MAGI2: variants seen among roughly 807,000 people sequenced by gnomAD.
The protein encoded by MAGI2 is membrane associated guanylate kinase, WW and PDZ domain containing 2.
In MAGI2, 35 loss-of-function variants were observed where a neutral mutation model predicts 133.3. The observed-to-expected ratio is 0.26, with a 90% CI of 0.20 to 0.35. The LOEUF (loss-of-function observed/expected upper bound fraction) is 0.35, where lower values mean the gene tolerates loss of function less well. Among genes scored for constraint, MAGI2 ranks in the 10% least tolerant of loss-of-function variants. The pLI is 1.00. For synonymous variants in MAGI2, 729 were observed against 710.6 expected (o/e 1.03, Z -0.41); for missense variants, 1,636 against 1,863.4 (o/e 0.88, Z 2.25).
intron 21 of MAGI2, among the ~76,000 whole-genome samples, chr7:78,033,889 C>A (rs1809879294): frequency 6.6e-6 from 1 of 152,080 alleles, no homozygotes; most frequent in Non-Finnish European, 1.5e-5. Context: ...GGAGTGGGAC[C>A]CTCACCCTGT....
intron 1 of MAGI2, chr7:79,411,788 C>T (rs932114513): frequency 1.3e-5 from 2 of 151,932 alleles, no homozygotes; most frequent in Non-Finnish European, 2.9e-5. Context: ...GTCTTTTATT[C>T]CCATAACCAT....
At chr7:78,536,799 C>A (rs188798627) in intron 3 of MAGI2, among the ~76,000 whole-genome samples, 2 of 144,140 alleles carry the variant, frequency 1.4e-5, no homozygotes, top group South Asian at 2.2e-4. Context: ...CTTGCTCTGT[C>A]GCCCAGGCTG....
intron 16 of MAGI2, among the ~76,000 whole-genome samples, chr7:78,155,444 T>C (rs1462392600): frequency 6.6e-6 from 1 of 152,018 alleles, no homozygotes; most frequent in Non-Finnish European, 1.5e-5. Flanking sequence ...CAAAACCTCG[T>C]CTCTACTAAA....
At position 79,171,647 on chromosome 7, in the gene MAGI2, A is replaced by G. The variant is rs150987170; in HGVS notation, c.302-164441T>C. Among the ~76,000 whole-genome samples the G allele has an allele frequency of 9.7e-3, 1,427 of 147,722 alleles. 24 individuals are homozygous for G. The highest frequency in any genetic ancestry group is 0.034 in the African/African-American group (1,368 of 40,568). On this transcript the variant is annotated intron_variant, in intron 1 of 21. Coordinates refer to ENST00000354212, the MANE Select transcript of MAGI2 (RefSeq NM_012301.4). ...ATGGTCATATGTCTACAGGTAACTC[A>G]CTTTTGTGATACTTTCATTCAATAA...
intron 12 of MAGI2, among the ~76,000 whole-genome samples, chr7:78,194,072 C>T (rs1460349615): frequency 6.6e-6 from 1 of 152,074 alleles, no homozygotes; most frequent in Non-Finnish European, 1.5e-5. Context: ...AATCAGCAGA[C>T]CGTAATGGGA....
Position 78,517,237 on chromosome 7 carries a change from A to T in MAGI2, c.754+4193T>A, listed in dbSNP as rs572694851. 4.5e-3 allele frequency among the ~76,000 whole-genome samples: 672 copies of T among 147,976 alleles called. 8 individuals are homozygous for T. Among genetic ancestry groups the T allele is most frequent in the African/African-American group, 0.016 (643 of 41,226 alleles). ...CGGTTCAAAAACAATCTGTAAGATG[A>T]TGTAAGGATACATCGTACTTGTCAT... is the stretch of plus-strand genomic sequence containing the variant. On this transcript the variant is annotated intron_variant, in intron 4 of 21. Transcript: ENST00000354212.
chr7:79,391,850 A>AT (rs1336868419), intron 1 of MAGI2, among the ~76,000 whole-genome samples: 2 of 151,540 alleles, frequency 1.3e-5, no homozygotes, highest in Non-Finnish European at 2.9e-5. Flanking sequence ...CACCCGGCTA[A>AT]TTTTTTTGTA....
chr7:78,287,821 C>A (rs1796298977), intron 9 of MAGI2, among the ~76,000 whole-genome samples: 1 of 152,086 alleles, frequency 6.6e-6, no homozygotes, highest in South Asian at 2.1e-4. Flanking sequence ...AAGAAGCTAA[C>A]CTACTTTAAG....
intron 1 of MAGI2, among the ~76,000 whole-genome samples, chr7:79,441,596 A>G (rs539672505): frequency 6.6e-6 from 1 of 152,256 alleles, no homozygotes; most frequent in African/African-American, 2.4e-5. Context: ...AGTATTTTGC[A>G]CATTCATATA....
rs531101978 is a variant in MAGI2 at position 78,360,949 on chromosome 7, G to A, written c.1103+8207C>T. ...GAGCATTCCTGCCCTCTCTTCCTGG[G>A]ACGTCAAGGGGTCAGGGTCTGTGTA... On this transcript the variant is annotated intron_variant, in intron 7 of 21. Transcript: ENST00000354212. 3.3e-4 allele frequency among the ~76,000 whole-genome samples: 50 copies of A among 152,276 alleles called. No homozygotes were observed. The South Asian group carries it at 8.7e-3, about 26-fold the overall frequency.
intron 10 of MAGI2, among the ~76,000 whole-genome samples, chr7:78,243,224 TACACACAC>T (rs539437959): frequency 5.7e-5 from 8 of 140,814 alleles, no homozygotes; most frequent in African/African-American, 1.9e-4. Context: ...ATGGTTCAGA[TACACACAC>T]ACACACACAC....
At chr7:79,090,357 T>C (rs1049664705) in intron 1 of MAGI2, among the ~76,000 whole-genome samples, 4 of 152,080 alleles carry the variant, frequency 2.6e-5, no homozygotes, top group Admixed American at 2.0e-4. Flanking sequence ...CTCTCCATAA[T>C]ATAATATACC....
intron 6 of MAGI2, among the ~76,000 whole-genome samples, chr7:78,373,977 A>G (rs956716578): frequency 1.3e-5 from 2 of 152,068 alleles, no homozygotes; most frequent in Admixed American, 1.3e-4. Context: ...TATATACCAC[A>G]TTTTCTTTAT....
At chr7:78,873,376 C>G (rs904142525) in intron 2 of MAGI2, among the ~76,000 whole-genome samples, 1 of 152,038 alleles carries the variant, frequency 6.6e-6, no homozygotes, top group African/African-American at 2.4e-5. Context: ...CCATCGCTGG[C>G]ATTACTCCCT....
At chr7:78,463,273 C>T (rs976693232) in intron 6 of MAGI2, among the ~76,000 whole-genome samples, 4 of 152,174 alleles carry the variant, frequency 2.6e-5, no homozygotes, top group Admixed American at 1.3e-4. Flanking sequence ...TTGCTGAGCA[C>T]TGCCGTGACA....
intron 2 of MAGI2, among the ~76,000 whole-genome samples, chr7:78,849,664 C>T (rs2151478406): frequency 6.6e-6 from 1 of 152,140 alleles, no homozygotes; most frequent in East Asian, 1.9e-4. Context: ...GAAGAGATTT[C>T]CTCAAAACAT....
intron 2 of MAGI2, among the ~76,000 whole-genome samples, chr7:78,872,918 A>G (rs988599302): frequency 1.3e-5 from 2 of 152,222 alleles, no homozygotes; most frequent in African/African-American, 4.8e-5. Context: ...AATCAAAAAT[A>G]TGTAACACTG....
chr7:78,743,922 C>T (rs1822670428), intron 2 of MAGI2, among the ~76,000 whole-genome samples: 1 of 152,088 alleles, frequency 6.6e-6, no homozygotes, highest in South Asian at 2.1e-4. Flanking sequence ...ACTTTGAAGC[C>T]CCTAACTTCC....
chr7:78,354,965 A>G (rs577043394), intron 7 of MAGI2, among the ~76,000 whole-genome samples: 11 of 152,296 alleles, frequency 7.2e-5, no homozygotes, highest in Admixed American at 5.2e-4. Flanking sequence ...GGAATAGAGG[A>G]TAAAGGTTCA....
Sources: gnomAD v4.1 joint callset for allele counts (sites outside exome capture counted in the v4.1 genomes callset) on GRCh38, gnomAD v4.1.1 for gene constraint, MANE v1.5 for transcripts, NCBI Gene and HGNC (gene_info 2026-07-23, HGNC 2026-07-21) for gene names.